Variants in MTHFD1L observed in about 807,000 individuals in gnomAD.
MTHFD1L encodes methylenetetrahydrofolate dehydrogenase (NADP+ dependent) 1 like, also known as monofunctional C1-tetrahydrofolate synthase, mitochondrial.
In MTHFD1L, 81 loss-of-function variants were observed where a neutral mutation model predicts 119.5. The observed-to-expected ratio is 0.68, with a 90% confidence interval of 0.57 to 0.82. The LOEUF (loss-of-function observed/expected upper bound fraction) is 0.82, where lower values mean the gene tolerates loss of function less well. Among genes scored for constraint, MTHFD1L ranks in the 40% least tolerant of loss-of-function variants. The probability of loss-of-function intolerance (pLI) is 0.00; values close to 1 mark genes in which losing one functional copy is unlikely to be tolerated. For missense variants in MTHFD1L, 1,125 were observed against 1,253.4 expected (o/e 0.90, Z 1.55); for synonymous variants, 430 against 475.2 (o/e 0.90, Z 1.24).
intron 11 of MTHFD1L, among the ~76,000 whole-genome samples, chr6:150,928,160 G>C (rs1378910044): frequency 1.3e-5 from 2 of 152,066 alleles, no homozygotes; most frequent in Non-Finnish European, 2.9e-5. Flanking sequence ...AACAGGCCAA[G>C]CGCGGTGGCT....
intron 4 of MTHFD1L, among the ~76,000 whole-genome samples, chr6:150,879,998 T>C (rs974193601): frequency 3.3e-5 from 5 of 152,182 alleles, no homozygotes; most frequent in Non-Finnish European, 7.3e-5. Flanking sequence ...TAATTGTGCA[T>C]GTGTGTGGGG....
Position 150,899,994 on chromosome 6 carries a change from T to TA in MTHFD1L, c.781-5656_781-5655insA, listed in dbSNP as rs1491393312. The stretch of plus-strand genomic sequence containing the variant: ...TCAAAAAAAAATAGATATATATATA[T>TA]TTTTTATATTATATTATATATTATA... On this transcript the variant is annotated intron_variant, in intron 7 of 27. Coordinates refer to ENST00000367321, the MANE Select transcript of MTHFD1L (RefSeq NM_015440.5). Among the ~76,000 whole-genome samples, 59 of 147,728 alleles carry TA rather than the reference T, an allele frequency of 4.0e-4. No homozygotes were observed. In the South Asian group the frequency reaches 4.9e-3, roughly 12 times the overall value.
At chr6:151,094,368 G>T (rs1794715705) in intron 27 of MTHFD1L, among the ~76,000 whole-genome samples, 1 of 152,094 alleles carries the variant, frequency 6.6e-6, no homozygotes, top group Non-Finnish European at 1.5e-5. Context: ...ACTTGTTGTT[G>T]TTGTTGTTGT....
intron 15 of MTHFD1L, among the ~76,000 whole-genome samples, chr6:150,948,027 G>A (rs1005211332): frequency 1.3e-5 from 2 of 149,938 alleles, no homozygotes; most frequent in African/African-American, 5.0e-5. Context: ...TTTTTTTTGA[G>A]ACGGAGTTTC....
At chr6:151,061,574 A>G (rs1003296864) in intron 26 of MTHFD1L, among the ~76,000 whole-genome samples, 4 of 152,200 alleles carry the variant, frequency 2.6e-5, no homozygotes, top group East Asian at 1.9e-4. Flanking sequence ...CCTACACAGT[A>G]GTGGATTTGG....
At chr6:151,008,232 A>G (rs1433893299) in intron 20 of MTHFD1L, among the ~76,000 whole-genome samples, 1 of 152,224 alleles carries the variant, frequency 6.6e-6, no homozygotes, top group East Asian at 1.9e-4. Context: ...TATAATTGTA[A>G]ATTTTGAAAG....
intron 26 of MTHFD1L, among the ~76,000 whole-genome samples, chr6:151,066,222 G>A (rs1791223530): frequency 6.6e-6 from 1 of 151,884 alleles, no homozygotes; most frequent in Admixed American, 6.6e-5. Flanking sequence ...GGATCATGAG[G>A]TCAGAAGATT....
chr6:150,890,680 G>T (rs1783102266), intron 7 of MTHFD1L, among the ~76,000 whole-genome samples: 1 of 152,164 alleles, frequency 6.6e-6, no homozygotes, highest in African/African-American at 2.4e-5. Flanking sequence ...AGGGCCATAA[G>T]GCAGAAGGAG....
chr6:151,081,690 TTA>T (rs772530168), intron 26 of MTHFD1L, among the ~76,000 whole-genome samples: 1 of 152,048 alleles, frequency 6.6e-6, no homozygotes, highest in Non-Finnish European at 1.5e-5. Context: ...TTTCCCTGTC[TTA>T]TGTTTTTCTA....
At chr6:150,960,522 A>G in intron 18 of MTHFD1L, 107 bp downstream of exon 18, 1 of 1,410,172 alleles carries the variant, frequency 7.1e-7, no homozygotes, top group Non-Finnish European at 9.4e-7. Flanking sequence ...ATGAGGATAC[A>G]GAAAAAGTTT....
intron 16 of MTHFD1L, among the ~76,000 whole-genome samples, chr6:150,955,118 CTATCTA>C (rs1173666813): frequency 2.0e-5 from 3 of 152,162 alleles, no homozygotes; most frequent in Non-Finnish European, 4.4e-5. Flanking sequence ...ACTATCATCA[CTATCTA>C]TACCCAGAAC....
intron 24 of MTHFD1L, among the ~76,000 whole-genome samples, chr6:151,033,030 T>C (rs1489620076): frequency 1.3e-5 from 2 of 152,180 alleles, no homozygotes; most frequent in African/African-American, 4.8e-5. Context: ...GGGAGACTTG[T>C]GCCCCTTGGT....
intron 26 of MTHFD1L, among the ~76,000 whole-genome samples, chr6:151,075,187 A>G (rs1273123770): frequency 6.6e-6 from 1 of 152,230 alleles, no homozygotes; most frequent in Non-Finnish European, 1.5e-5. Context: ...AATGTCCTAA[A>G]TACACTAATT....
chr6:151,054,102 C>G (rs767419631), intron 26 of MTHFD1L, among the ~76,000 whole-genome samples: 3 of 152,208 alleles, frequency 2.0e-5, no homozygotes, highest in South Asian at 2.1e-4. Context: ...GACACCAAAC[C>G]ACCTAACAGC....
chr6:150,949,798 G>C (rs778919235), intron 16 of MTHFD1L, among the ~76,000 whole-genome samples: 4 of 152,116 alleles, frequency 2.6e-5, no homozygotes, highest in Non-Finnish European at 4.4e-5. Context: ...GAAGTTAGGA[G>C]CCCTGAGTGT....
At chr6:150,996,523 A>G (rs567319041) in intron 20 of MTHFD1L, among the ~76,000 whole-genome samples, 2 of 152,096 alleles carry the variant, frequency 1.3e-5, no homozygotes, top group Admixed American at 6.6e-5. Flanking sequence ...TTTAGCCTTC[A>G]ATGTTAATTT....
chr6:150,988,223 T>C (rs12212009), intron 20 of MTHFD1L, among the ~76,000 whole-genome samples: 6,591 of 152,322 alleles, frequency 0.043, 213 homozygotes, highest in Non-Finnish European at 0.066. Context: ...ATTCATAAAA[T>C]GCATAAGCTT....
At chr6:151,004,097 C>T (rs1410829943) in intron 20 of MTHFD1L, among the ~76,000 whole-genome samples, 1 of 151,034 alleles carries the variant, frequency 6.6e-6, no homozygotes, top group Non-Finnish European at 1.5e-5. Context: ...AATCCCAGCA[C>T]TTTGGGAGGC....
intron 26 of MTHFD1L, among the ~76,000 whole-genome samples, chr6:151,074,215 G>C (rs1426995371): frequency 1.3e-5 from 2 of 152,126 alleles, no homozygotes; most frequent in African/African-American, 4.8e-5. Flanking sequence ...TAGCTAACCT[G>C]AAGTACAAAA....
Sources: allele counts gnomAD v4.1 joint callset (sites outside exome capture counted in the v4.1 genomes callset), GRCh38; gene constraint gnomAD v4.1.1; transcripts MANE v1.5; gene names NCBI Gene and HGNC (gene_info 2026-07-23, HGNC 2026-07-21).